RGS14: variants seen among roughly 807,000 people sequenced by gnomAD.
The protein encoded by RGS14 is regulator of G-protein signaling 14.
Under a neutral mutation model 63.8 loss-of-function variants are expected in RGS14, and 33 were observed. The ratio of observed to expected loss-of-function variants is 0.52; its 90% CI spans 0.39 to 0.69. RGS14 has a LOEUF of 0.69. Ranked by LOEUF, RGS14 falls within the 30% of genes least tolerant of loss-of-function variation. RGS14 has a pLI of 0.00. For missense variants in RGS14, 739 were observed against 742.9 expected (o/e 0.99, Z 0.06); for synonymous variants, 296 against 320.9 (o/e 0.92, Z 0.83).
intron 6 of RGS14, 60 bp downstream of exon 6, chr5:177,367,617 A>G (rs992234678): frequency 6.3e-7 from 1 of 1,581,730 alleles, no homozygotes; most frequent in African/African-American, 1.3e-5. Context: ...CGCGTGCAAG[A>G]GGGGACGCCT....
At chr5:177,370,463 C>A in intron 9 of RGS14, 128 bp from the exon 10 acceptor site, 2 of 813,600 alleles carry the variant, frequency 2.5e-6, no homozygotes, top group South Asian at 1.4e-5. Flanking sequence ...ACAGCTCTTC[C>A]ACCCTCCATC....
rs1435284656 is a variant in RGS14 at position 177,371,120 on chromosome 5, G to C, written c.1255-45G>C. ...GGCCGGGGCCGGGGCCGGGGCCGGG[G>C]CCGGGCGGAGGCCTGTACCGCGGGC... On this transcript the variant is annotated intron_variant, in intron 11 of 14. Coordinates refer to ENST00000408923, the MANE Select transcript of RGS14 (RefSeq NM_006480.5). The surrounding 1 kb of genome is among the most constrained non-coding windows in gnomAD (Gnocchi z 6.1). 5 of 1,396,622 alleles carry C rather than the reference G, an allele frequency of 3.6e-6. No individual in the cohort carries two copies. Among genetic ancestry groups the C allele is most frequent in the East Asian group, 2.9e-5 (1 of 34,930 alleles). 86.5% of individuals were successfully genotyped at this position (1,396,622 alleles called of 1,614,324 possible). A position where few individuals can be genotyped will look rare whatever the true frequency, so the allele number is the denominator to read the frequency against.
In RGS14 at chr5:177,371,648, C is replaced by T. The variant is rs1247325396; in HGVS notation, c.1498+59C>T. 25 of 1,527,916 alleles carry T rather than the reference C, an allele frequency of 1.6e-5. No individual in the cohort carries two copies. Among genetic ancestry groups the T allele is most frequent in the Non-Finnish European group, 2.2e-5 (24 of 1,104,450 alleles). 94.6% of individuals were successfully genotyped at this position (1,527,916 alleles called of 1,614,324 possible). A position where few individuals can be genotyped will look rare whatever the true frequency, so the allele number is the denominator to read the frequency against. On this transcript the variant is annotated intron_variant, in intron 14 of 14. Transcript: ENST00000408923. The surrounding 1 kb of genome is among the most constrained non-coding windows in gnomAD (Gnocchi z 6.1). ...TAGGGCAGTGGGGTTGGGGACCATT[C>T]AGGGTGGCATCAGAGAGCCTTGAGC... is the stretch of plus-strand genomic sequence containing the variant.
intron 1 of RGS14, among the ~76,000 whole-genome samples, chr5:177,361,136 C>G (rs548997890): frequency 6.6e-6 from 1 of 152,324 alleles, no homozygotes; most frequent in South Asian, 2.1e-4. Flanking sequence ...ATGCAGCTCT[C>G]TCTTTGTCCC....
Position 177,360,938 on chromosome 5 carries a change from C to T in RGS14, c.45+2869C>T, listed in dbSNP as rs533574827. On this transcript the variant is annotated intron_variant, in intron 1 of 14. Coordinates refer to ENST00000408923, the MANE Select transcript of RGS14 (RefSeq NM_006480.5). Reference sequence around the variant, plus strand: ...GCTCCATGCACCGTGTTGTAGGAGACGGTCCCTAAAGGGTCTGCAAGCTGG... The same window carrying T: ...GCTCCATGCACCGTGTTGTAGGAGATGGTCCCTAAAGGGTCTGCAAGCTGG... Among the ~76,000 whole-genome samples the T allele has an allele frequency of 6.6e-5, 10 of 152,220 alleles. No homozygotes were observed. In the East Asian group the frequency reaches 1.5e-3, roughly 24 times the overall value.
rs1561611913 is a variant in RGS14 at position 177,358,594 on chromosome 5, C to T, written c.45+525C>T. Among the ~76,000 whole-genome samples, 3 of 152,326 alleles carry T rather than the reference C, an allele frequency of 2.0e-5. No individual in the cohort carries two copies. The East Asian group carries it at 5.8e-4, about 29-fold the overall frequency. On this transcript the variant is annotated intron_variant, in intron 1 of 14. Transcript: ENST00000408923. The surrounding 1 kb of genome is among the most constrained non-coding windows in gnomAD (Gnocchi z 4.8). ...CCCGGGATGGGGCAGCAGGGTCAGA[C>T]TAGGTTGATGCAGCTTCTGCCTGTT...
In RGS14 at chr5:177,358,009, C is replaced by T. The variant is rs1380309325; in HGVS notation, c.-16C>T. On this transcript the variant is annotated 5_prime_UTR_variant, in exon 1 of 15. Coordinates refer to ENST00000408923, the MANE Select transcript of RGS14 (RefSeq NM_006480.5). This position sits in a 1 kb window ranked among gnomAD's most constrained non-coding sequence, Gnocchi z 4.8. ...GTGGGCAGCCCCCGCGGCGGGGACC[C>T]CTGATCGGCAGCGGCATGCCAGGGA... 11 of 1,355,558 alleles carry T rather than the reference C, an allele frequency of 8.1e-6. No individual in the cohort carries two copies. The highest frequency in any genetic ancestry group is 9.6e-6 in the Non-Finnish European group (10 of 1,044,270). 84.0% of individuals were successfully genotyped at this position (1,355,558 alleles called of 1,614,324 possible).
chr5:177,368,075 G>T, intron 7 of RGS14, 82 bp from the exon 8 acceptor site: 1 of 1,551,386 alleles, frequency 6.4e-7, no homozygotes. Flanking sequence ...CTCCAAACAA[G>T]GCCCACCAGT....
Position 177,366,317 on chromosome 5 carries a change from C to A in RGS14, c.208C>A (p.Arg70=). 1.3e-6 allele frequency: 2 copies of A among 1,553,184 alleles called. No homozygotes were observed. Among genetic ancestry groups the A allele is most frequent in the Non-Finnish European group, 1.7e-6 (2 of 1,149,132 alleles). ...PVASWALSFE[R]LLQDPLGLAY... is the part of the protein sequence containing the mutation. ...GGCCAGCTGGGCCCTGTCCTTCGAG[C>A]GGCTGTTGCAGGACCCGCTGGGCCT... Residue 70 remains arginine, a synonymous_variant, in exon 3 of 15, where the codon CGG becomes AGG. Transcript: ENST00000408923.
chr5:177,366,841 G>A (rs1340530159), intron 4 of RGS14, 41 bp downstream of exon 4: 2 of 1,613,992 alleles, frequency 1.2e-6, no homozygotes, highest in East Asian at 2.2e-5. Context: ...TGGGGAGAGG[G>A]GAACTGGGCC....
At chr5:177,367,311 C>G in intron 5 of RGS14, 103 bp from the exon 6 acceptor site, 1 of 1,431,124 alleles carries the variant, frequency 7.0e-7, no homozygotes, top group East Asian at 2.5e-5. Flanking sequence ...GAAATCCAGC[C>G]CTAGGTTTGG....
Position 177,372,142 on chromosome 5 carries a change from T to C in RGS14, c.*67T>C. The C allele has an allele frequency of 7.0e-7, 1 of 1,431,036 alleles. No individual in the cohort carries two copies. Among genetic ancestry groups the C allele is most frequent in the Non-Finnish European group, 9.7e-7 (1 of 1,032,408 alleles). The allele number at this position is 1,431,036 out of a possible 1,614,324, so 88.6% of individuals were successfully genotyped here. A position where few individuals can be genotyped will look rare whatever the true frequency, so the allele number is the denominator to read the frequency against. ...GGCCGAGCATGCCATGGGTCCGCTCTGCATGCCCTGTCTGTGCCATGAGTG... is the reference window on the plus strand; with the variant it reads ...GGCCGAGCATGCCATGGGTCCGCTCCGCATGCCCTGTCTGTGCCATGAGTG... On this transcript the variant is annotated 3_prime_UTR_variant, in exon 15 of 15. Transcript: ENST00000408923.
intron 5 of RGS14, 141 bp from the exon 6 acceptor site, chr5:177,367,273 T>A: frequency 8.0e-7 from 1 of 1,254,188 alleles, no homozygotes; most frequent in South Asian, 1.5e-5. Context: ...GGGGTGGGTA[T>A]AGGAACTGAG....
At chr5:177,369,673 G>A (rs1762192442) in intron 9 of RGS14, among the ~76,000 whole-genome samples, 1 of 152,250 alleles carries the variant, frequency 6.6e-6, no homozygotes, top group South Asian at 2.1e-4. Flanking sequence ...GAGCTGTGGG[G>A]GAGGATATTC....
chr5:177,367,502 G>A lies in RGS14; in HGVS notation c.572G>A (p.Arg191His). Reference sequence around the variant, plus strand: ...TGCCTGCTAGCCGAAGCCGAGGGACGCCCTCTGCGGGAACCTGGCTCCTCG... The same window carrying A: ...TGCCTGCTAGCCGAAGCCGAGGGACACCCTCTGCGGGAACCTGGCTCCTCG... ...RECLLAEAEG[R>H]PLREPGSSRL... The change falls in exon 6 of 15, where the codon CGC becomes CAC. Residue 191 changes from arginine (R) to histidine (H), a missense_variant. Physicochemically the swap from Arg to His is conservative, Grantham distance 29. Transcript: ENST00000408923. The A allele has an allele frequency of 1.2e-6, 2 of 1,612,526 alleles. No individual in the cohort carries two copies. The highest frequency in any genetic ancestry group is 1.7e-6 in the Non-Finnish European group (2 of 1,179,370).
At chr5:177,363,882 G>A (rs1762031516) in intron 1 of RGS14, among the ~76,000 whole-genome samples, 1 of 152,196 alleles carries the variant, frequency 6.6e-6, no homozygotes, top group Non-Finnish European at 1.5e-5. Flanking sequence ...AGGAGTGTAA[G>A]CCCTTTTGGG....
At chr5:177,367,252 C>G in intron 5 of RGS14, 162 bp from the exon 6 acceptor site, 1 of 1,144,026 alleles carries the variant, frequency 8.7e-7, no homozygotes, top group Non-Finnish European at 1.2e-6. Context: ...TCGGGGCGGG[C>G]TTGGACCCCG....
At chr5:177,368,383 C>T in intron 8 of RGS14, 117 bp downstream of exon 8, 1 of 1,112,800 alleles carries the variant, frequency 9.0e-7, no homozygotes, top group Non-Finnish European at 1.3e-6. Flanking sequence ...CCAGCTTGCT[C>T]TGCGTAGCCA....
chr5:177,363,540 T>C (rs977703416), intron 1 of RGS14, among the ~76,000 whole-genome samples: 1 of 152,164 alleles, frequency 6.6e-6, no homozygotes, highest in Non-Finnish European at 1.5e-5. Flanking sequence ...TTTCCTTCTA[T>C]GGCGGGAGTG....
Sources: gnomAD v4.1 joint callset for allele counts (sites outside exome capture counted in the v4.1 genomes callset) on GRCh38, gnomAD v4.1.1 for gene constraint, Gnocchi (gnomAD v3.1) non-coding constraint, MANE v1.5 for transcripts, NCBI Gene and HGNC (gene_info 2026-07-23, HGNC 2026-07-21) for gene names.